The following PKP2 variants were observed in gnomAD, a reference collection of about 807,000 sequenced individuals.
PKP2 encodes the protein plakophilin-2.
PKP2 carries 73 observed loss-of-function variants against 83.4 expected under a neutral mutation model. That is an observed-to-expected ratio of 0.88 (90% CI 0.72 to 1.06). The LOEUF (loss-of-function observed/expected upper bound fraction) is 1.06. PKP2 is among the 50% of genes least tolerant of loss of function. The pLI is 0.00. For synonymous variants in PKP2, 409 were observed against 430.4 expected (o/e 0.95, Z 0.62); for missense variants, 966 against 1,065.4 (o/e 0.91, Z 1.30).
intron 5 of PKP2, among the ~76,000 whole-genome samples, chr12:32,845,627 C>T (rs923377820): frequency 1.3e-5 from 2 of 151,982 alleles, no homozygotes; most frequent in Non-Finnish European, 2.9e-5. Flanking sequence ...AACAAATCTG[C>T]CTTAACACAT....
rs186741430 is a variant in PKP2, at chr12:32,887,757, A to G, written c.224-8725T>C. ...GTGAGCCATTAAATGGCCCTTTTAT[A>G]TCACAGGTGTTCATGTCATATTTTG... On this transcript the variant is annotated intron_variant, in intron 1 of 12. Transcript: ENST00000340811. Among the ~76,000 whole-genome samples, 994 of 152,300 alleles carry G rather than the reference A, an allele frequency of 6.5e-3. 7 individuals are homozygous for G. The highest frequency in any genetic ancestry group is 9.3e-3 in the Non-Finnish European group (631 of 68,022).
intron 4 of PKP2, among the ~76,000 whole-genome samples, chr12:32,864,908 C>A (rs1233234037): frequency 6.6e-6 from 1 of 152,086 alleles, no homozygotes; most frequent in Non-Finnish European, 1.5e-5. Context: ...GAGAAGTTGG[C>A]CCCTTTCTGG....
At chr12:32,896,487 G>C (rs1264913054) in intron 1 of PKP2, 22 bp downstream of exon 1, 1 of 1,453,212 alleles carries the variant, frequency 6.9e-7, no homozygotes, top group East Asian at 2.7e-5. Flanking sequence ...GGCGGCGCCG[G>C]GGAGCGGCGG....
At chr12:32,835,126 T>G (rs922416313) in intron 6 of PKP2, among the ~76,000 whole-genome samples, 2 of 151,598 alleles carry the variant, frequency 1.3e-5, no homozygotes, top group Non-Finnish European at 2.9e-5. Context: ...CGACTTCGGC[T>G]CACTGCAAGC....
chr12:32,883,170 CACAG>C (rs1389996111), intron 1 of PKP2, among the ~76,000 whole-genome samples: 2 of 152,188 alleles, frequency 1.3e-5, no homozygotes, highest in Non-Finnish European at 2.9e-5. Context: ...ATTTTTAAAT[CACAG>C]ACACTCTCCC....
chr12:32,824,054 T>C lies in PKP2; in HGVS notation c.1665A>G (p.Pro555=). Residue 555 remains proline (P), a synonymous_variant, in exon 7 of 13, where the codon CCA becomes CCG. Transcript: ENST00000340811. ...YVRGTIADYQ[P]DDKATENCVC... ...TTATCTCTTGAATTACCTTGTCATC[T>C]GGCTGGTAATCTGCAATGGTTCCTC... The C allele has an allele frequency of 1.3e-6, 2 of 1,563,552 alleles. No homozygotes were observed. The highest frequency in any genetic ancestry group is 1.8e-6 in the Non-Finnish European group (2 of 1,134,366).
chr12:32,841,172 AGTTT>A lies in PKP2; in HGVS notation c.1408_1411del (p.Lys470SerfsTer5). The A allele has an allele frequency of 6.2e-7, 1 of 1,613,650 alleles. No homozygotes were observed. Among genetic ancestry groups the A allele is most frequent in the Non-Finnish European group, 8.5e-7 (1 of 1,179,624 alleles). On this transcript the variant is annotated frameshift_variant, in exon 6 of 13. Coordinates refer to ENST00000340811, the MANE Select transcript of PKP2 (RefSeq NM_001005242.3). LOFTEE classifies it high-confidence loss of function. The stretch of plus-strand genomic sequence containing the variant: ...TGCTTCTGTTATCATGAGATTCTTG[AGTTT>A]GTCATTAGATGACAAATTCCACAGC...
chr12:32,825,550 C>T (rs980974080), intron 6 of PKP2, among the ~76,000 whole-genome samples: 4 of 152,118 alleles, frequency 2.6e-5, no homozygotes, highest in African/African-American at 9.7e-5. Context: ...TAGTGTCATT[C>T]TGAACATCAA....
At chr12:32,854,194 A>G (rs1956725480) in intron 4 of PKP2, among the ~76,000 whole-genome samples, 1 of 152,238 alleles carries the variant, frequency 6.6e-6, no homozygotes, top group African/African-American at 2.4e-5. Context: ...TGATAGAATT[A>G]GTAAGAAGTG....
intron 4 of PKP2, among the ~76,000 whole-genome samples, chr12:32,858,033 GC>G (rs1956763862): frequency 8.7e-6 from 1 of 115,056 alleles, no homozygotes; most frequent in African/African-American, 3.5e-5. Flanking sequence ...TTTGTGACCA[GC>G]CCTGGGAACA....
chr12:32,856,609 A>C (rs1485186015), intron 4 of PKP2, among the ~76,000 whole-genome samples: 1 of 152,076 alleles, frequency 6.6e-6, no homozygotes, highest in Non-Finnish European at 1.5e-5. Flanking sequence ...GTCATGGGGA[A>C]GGGGGAAAGG....
intron 8 of PKP2, chr12:32,821,911 T>C (rs1956383100): frequency 3.7e-6 from 1 of 272,980 alleles, no homozygotes; most frequent in Non-Finnish European, 7.0e-6. Flanking sequence ...GTGTCCAGGA[T>C]AGCACCAGGG....
chr12:32,852,337 A>C (rs1413071108), intron 4 of PKP2, among the ~76,000 whole-genome samples: 1 of 152,160 alleles, frequency 6.6e-6, no homozygotes. Context: ...TCTATGTACC[A>C]AGTTCTAGCC....
chr12:32,858,811 T>G (rs758081391), intron 4 of PKP2, among the ~76,000 whole-genome samples: 2 of 152,156 alleles, frequency 1.3e-5, no homozygotes, highest in Non-Finnish European at 2.9e-5. Flanking sequence ...AAAATGACAA[T>G]TCACTGAAGA....
intron 11 of PKP2, 115 bp downstream of exon 11, chr12:32,795,994 G>T: frequency 1.0e-6 from 1 of 956,932 alleles, no homozygotes; most frequent in South Asian, 1.3e-5. Context: ...TTTACATCCT[G>T]TTTGCTGCCA....
intron 4 of PKP2, among the ~76,000 whole-genome samples, chr12:32,859,823 G>A (rs1440751722): frequency 6.6e-6 from 1 of 152,212 alleles, no homozygotes; most frequent in East Asian, 1.9e-4. Flanking sequence ...CTATGATAAT[G>A]AAATGCCTAT....
chr12:32,877,330 C>T (rs1254115580), intron 3 of PKP2, among the ~76,000 whole-genome samples: 1 of 151,868 alleles, frequency 6.6e-6, no homozygotes, highest in Non-Finnish European at 1.5e-5. Context: ...AAAAGAATAC[C>T]CCTTCAAATC....
chr12:32,833,253 C>A (rs1369879008), intron 6 of PKP2, among the ~76,000 whole-genome samples: 1 of 151,952 alleles, frequency 6.6e-6, no homozygotes, highest in Non-Finnish European at 1.5e-5. Context: ...AAAAAATAAA[C>A]AAATAAATAA....
rs761677945 is a variant in PKP2 at position 32,877,955 on chromosome 12, C to T, written c.925G>A (p.Ala309Thr). ...RTLREAGPSV[A>T]VDSSGRRAHL... is the part of the protein sequence containing the mutation. ...GCTCTCCTCCCGCTGGAATCCACGGCGACACTGGGCCCAGCTTCCCTCAGC... is the reference window on the plus strand; with the variant it reads ...GCTCTCCTCCCGCTGGAATCCACGGTGACACTGGGCCCAGCTTCCCTCAGC... The change falls in exon 3 of 13, where the codon GCC becomes ACC. Residue 309 changes from alanine (A) to threonine (T), a missense_variant. Coordinates refer to ENST00000340811, the MANE Select transcript of PKP2 (RefSeq NM_001005242.3). 15 of 1,614,044 alleles carry T rather than the reference C, an allele frequency of 9.3e-6. No individual in the cohort carries two copies. Among genetic ancestry groups the T allele is most frequent in the Middle Eastern group, 1.6e-4 (1 of 6,082 alleles).
Sources: gnomAD v4.1 joint callset for allele counts (sites outside exome capture counted in the v4.1 genomes callset) on GRCh38, gnomAD v4.1.1 for gene constraint, MANE v1.5 for transcripts, NCBI Gene and HGNC (gene_info 2026-07-23, HGNC 2026-07-21) for gene names.